The following KCNMA1 variants were observed in gnomAD, a reference collection of about 807,000 sequenced individuals.
KCNMA1 encodes the protein Calcium-activated potassium channel subunit alpha-1.
KCNMA1 carries 29 observed loss-of-function variants against 140.0 expected under a neutral mutation model. That is an observed-to-expected ratio of 0.21 (90% CI 0.15 to 0.28). KCNMA1 has a LOEUF of 0.28. KCNMA1 is among the 10% of genes least tolerant of loss of function. The pLI, the probability that KCNMA1 is intolerant of heterozygous loss-of-function variation, is 1.00. For missense variants in KCNMA1, 880 were observed against 1,602.2 expected (o/e 0.55, Z 7.70); for synonymous variants, 612 against 611.9 (o/e 1.00, Z 0.00).
At chr10:77,420,295 C>A (rs534254813) in intron 1 of KCNMA1, among the ~76,000 whole-genome samples, 2 of 152,336 alleles carry the variant, frequency 1.3e-5, no homozygotes, top group African/African-American at 4.8e-5. Flanking sequence ...CTCCCCTAGC[C>A]TCCCCTGCAC....
intron 14 of KCNMA1, chr10:77,064,077 T>C: frequency 1.0e-6 from 1 of 985,488 alleles, no homozygotes; most frequent in Non-Finnish European, 1.2e-6. Flanking sequence ...GTAATCTTTC[T>C]GTGCTGCCTT....
At chr10:77,347,581 C>G (rs967503890) in intron 2 of KCNMA1, among the ~76,000 whole-genome samples, 5 of 152,112 alleles carry the variant, frequency 3.3e-5, no homozygotes, top group South Asian at 4.1e-4. Flanking sequence ...GGCTGTGTGA[C>G]CAGGGGCCTC....
At chr10:77,524,851 G>A (rs189677286) in intron 1 of KCNMA1, among the ~76,000 whole-genome samples, 1 of 152,106 alleles carries the variant, frequency 6.6e-6, no homozygotes, top group Non-Finnish European at 1.5e-5. Flanking sequence ...CGGGAGGGAA[G>A]AGGAGGAAAT....
intron 2 of KCNMA1, among the ~76,000 whole-genome samples, chr10:77,364,488 A>G (rs899662875): frequency 2.6e-5 from 4 of 152,190 alleles, no homozygotes; most frequent in Admixed American, 2.0e-4. Context: ...AAAAAGAGAA[A>G]GAAAACACTG....
chr10:77,007,839 A>G (rs2089539192), intron 18 of KCNMA1, among the ~76,000 whole-genome samples: 1 of 151,970 alleles, frequency 6.6e-6, no homozygotes. Flanking sequence ...CTTCAGCCTA[A>G]TCAGTGTCCC....
intron 25 of KCNMA1, among the ~76,000 whole-genome samples, chr10:76,906,843 A>C (rs551532561): frequency 8.3e-4 from 126 of 152,334 alleles, no homozygotes; most frequent in Middle Eastern, 6.8e-3. Flanking sequence ...TTTTACCAAA[A>C]CGTCTGGATC....
At chr10:76,914,562 G>A (rs2051884080) in intron 24 of KCNMA1, 2 of 337,686 alleles carry the variant, frequency 5.9e-6, no homozygotes, top group Non-Finnish European at 1.1e-5. Context: ...GATTGTAGGA[G>A]CTGTCCAGAC....
intron 1 of KCNMA1, among the ~76,000 whole-genome samples, chr10:77,570,713 T>C (rs1185213481): frequency 6.6e-6 from 1 of 150,720 alleles, no homozygotes; most frequent in African/African-American, 2.4e-5. Flanking sequence ...ATTGTGCACA[T>C]GTACCCTAAA....
rs2098929503 is a variant in KCNMA1, at chr10:77,190,377, CAGAGAAGCAG to C, written c.603-5471_603-5462del. ...TGTACTATAATCCCCATTTTACAGA[CAGAGAAGCAG>C]AGGCTCAGATATCCAATCAAGACCC... On this transcript the variant is annotated intron_variant, in intron 3 of 27. Transcript: ENST00000286628. Among the ~76,000 whole-genome samples, 3 of 152,292 alleles carry C rather than the reference CAGAGAAGCAG, an allele frequency of 2.0e-5. No individual in the cohort carries two copies. In the South Asian group the frequency reaches 6.2e-4, roughly 32 times the overall value.
intron 5 of KCNMA1, among the ~76,000 whole-genome samples, chr10:77,155,737 C>A (rs1438664342): frequency 6.6e-6 from 1 of 152,122 alleles, no homozygotes; most frequent in African/African-American, 2.4e-5. Flanking sequence ...TGGGTGAGTA[C>A]TGAACACTTT....
intron 1 of KCNMA1, among the ~76,000 whole-genome samples, chr10:77,600,073 A>G (rs2249945): frequency 0.9 from 136,500 of 152,200 alleles, 61,435 homozygotes; most frequent in Middle Eastern, 0.96. Context: ...TGATCGCATC[A>G]TTTTTTCAGG....
At chr10:77,530,900 C>T (rs981846606) in intron 1 of KCNMA1, among the ~76,000 whole-genome samples, 1 of 152,170 alleles carries the variant, frequency 6.6e-6, no homozygotes, top group Non-Finnish European at 1.5e-5. Flanking sequence ...CTCTGATGTA[C>T]TAGTTCTATT....
intron 2 of KCNMA1, among the ~76,000 whole-genome samples, chr10:77,370,171 T>C (rs1236669978): frequency 6.6e-6 from 1 of 152,204 alleles, no homozygotes; most frequent in Non-Finnish European, 1.5e-5. Flanking sequence ...CAAATTCTTC[T>C]GCTTTGGATG....
chr10:77,302,653 G>A lies in KCNMA1; in HGVS notation c.541-51397C>T, dbSNP rs142348819. On this transcript the variant is annotated intron_variant, in intron 2 of 27. Coordinates refer to ENST00000286628, the MANE Select transcript of KCNMA1 (RefSeq NM_001161352.2). ...AAACAGCTGTCAGCAGAGAGGGGAC[G>A]TGAGAATTGTCTACCACCCAAAGTC... is the stretch of plus-strand genomic sequence containing the variant. Among the ~76,000 whole-genome samples the A allele has an allele frequency of 3.9e-5, 6 of 152,274 alleles. No individual in the cohort carries two copies. In the East Asian group the frequency reaches 5.8e-4, roughly 15 times the overall value.
chr10:77,560,229 T>C (rs1452400584), intron 1 of KCNMA1, among the ~76,000 whole-genome samples: 2 of 152,094 alleles, frequency 1.3e-5, no homozygotes, highest in Non-Finnish European at 2.9e-5. Context: ...TTATGACCCA[T>C]CAGCAGGTCA....
intron 1 of KCNMA1, among the ~76,000 whole-genome samples, chr10:77,422,958 T>C (rs1017269263): frequency 1.3e-5 from 2 of 152,254 alleles, no homozygotes; most frequent in Admixed American, 6.5e-5. Context: ...CCCGTTGTTA[T>C]GGCATCACTA....
At chr10:77,426,400 G>A (rs1028451674) in intron 1 of KCNMA1, among the ~76,000 whole-genome samples, 2 of 152,074 alleles carry the variant, frequency 1.3e-5, no homozygotes, top group East Asian at 1.9e-4. Flanking sequence ...CTCACAACAA[G>A]TTTATGTAGT....
intron 13 of KCNMA1, among the ~76,000 whole-genome samples, chr10:77,077,368 A>C (rs911708919): frequency 6.6e-6 from 1 of 152,236 alleles, no homozygotes; most frequent in African/African-American, 2.4e-5. Context: ...TTTTAAGCAA[A>C]TAATCATGAA....
At chr10:77,009,513 C>T (rs1249609866) in intron 18 of KCNMA1, among the ~76,000 whole-genome samples, 1 of 152,176 alleles carries the variant, frequency 6.6e-6, no homozygotes, top group South Asian at 2.1e-4. Context: ...CCACTCCTTC[C>T]TCCCGAGAAT....
Sources: gnomAD v4.1 joint callset for allele counts (sites outside exome capture counted in the v4.1 genomes callset) on GRCh38, gnomAD v4.1.1 for gene constraint, MANE v1.5 for transcripts, NCBI Gene and HGNC (gene_info 2026-07-23, HGNC 2026-07-21) for gene names.